MIAT: variants seen among roughly 807,000 people sequenced by gnomAD.
MIAT encodes myocardial infarction associated transcript.
intron 2 of MIAT, among the ~76,000 whole-genome samples, chr22:26,661,446 T>C (rs989189531): frequency 6.6e-6 from 1 of 152,152 alleles, no homozygotes. Context: ...AGGCGGGTGC[T>C]GAGCTATTGT....
At chr22:26,666,957 G>A (rs1164093789) in intron 4 of MIAT, 5 of 388,850 alleles carry the variant, frequency 1.3e-5, no homozygotes, top group African/African-American at 2.1e-5. Flanking sequence ...AGAGGGATGT[G>A]GGGAGGGAGG....
At chr22:26,669,856 T>C (rs115845708), downstream of MIAT, 6,310 of 398,766 alleles carry the variant, frequency 0.016, 297 homozygotes, top group African/African-American at 0.11. Context: ...AGCCGTGTCC[T>C]GAGAAGGGCC....
exon 6 of MIAT, chr22:26,669,278 A>G (rs1008802120): frequency 6.0e-5 from 24 of 398,748 alleles, no homozygotes; most frequent in African/African-American, 4.1e-4. Flanking sequence ...CTGCCACAGC[A>G]CCATGCCAGA....
chr22:26,675,378 G>C (rs1027087395), exon 5 of MIAT: 1 of 398,568 alleles, frequency 2.5e-6, no homozygotes, highest in African/African-American at 2.1e-5. Context: ...TTATCCTTAG[G>C]CCTTGGGGAG....
exon 2 of MIAT, chr22:26,647,260 G>A (rs573593017): frequency 7.5e-6 from 3 of 398,362 alleles, no homozygotes; most frequent in East Asian, 3.6e-5. Flanking sequence ...GAAGGCCTCC[G>A]GGGTAGCACA....
At chr22:26,666,524 G>T (rs753490797) in exon 4 of MIAT, 229 of 398,578 alleles carry the variant, frequency 5.7e-4, no homozygotes, top group Middle Eastern at 1.9e-3. Context: ...GGCAGGAGCA[G>T]AGCTGGGATC....
downstream of MIAT, chr22:26,673,763 C>G: frequency 2.5e-6 from 1 of 398,646 alleles, no homozygotes. Flanking sequence ...TCAGAACAAT[C>G]AGAAGTCGGT....
downstream of MIAT, chr22:26,670,523 T>C (rs1931004630): frequency 2.6e-6 from 1 of 381,134 alleles, no homozygotes; most frequent in Admixed American, 5.1e-5. Flanking sequence ...CCTTGAAGGA[T>C]GAGAAAGATC....
exon 2 of MIAT, chr22:26,647,243 A>G (rs1170004892): frequency 5.0e-6 from 2 of 398,296 alleles, no homozygotes; most frequent in Non-Finnish European, 8.8e-6. Context: ...TCTGGCAAAC[A>G]TATGTGGAAG....
At chr22:26,650,008 C>T (rs1211377201) in intron 2 of MIAT, among the ~76,000 whole-genome samples, 2 of 152,242 alleles carry the variant, frequency 1.3e-5, no homozygotes, top group Non-Finnish European at 2.9e-5. Context: ...CTCAGCAGGA[C>T]TGAGTTCTAG....
intron 2 of MIAT, among the ~76,000 whole-genome samples, chr22:26,647,750 A>G (rs954919839): frequency 4.5e-4 from 69 of 152,168 alleles, no homozygotes; most frequent in African/African-American, 1.6e-3. Context: ...CTGCTGCAGC[A>G]AGGAGAACAG....
intron 5 of MIAT, chr22:26,667,345 TGTGTGTGTGC>T (rs1930882832): frequency 2.5e-6 from 1 of 397,262 alleles, no homozygotes; most frequent in Non-Finnish European, 4.4e-6. Context: ...TGTGTGTGTG[TGTGTGTGTGC>T]GTGTGCACAT....
chr22:26,676,008 C>G (rs1169706708), exon 5 of MIAT: 9 of 398,512 alleles, frequency 2.3e-5, no homozygotes, highest in Admixed American at 8.8e-5. Flanking sequence ...TCTCTTCGAC[C>G]CCTCCCTCAT....
downstream of MIAT, chr22:26,672,960 G>A (rs774009788): frequency 1.8e-5 from 7 of 398,480 alleles, no homozygotes; most frequent in Admixed American, 4.4e-5. Flanking sequence ...CCCCTCTCTG[G>A]AGCCGAGAGA....
At chr22:26,675,598 C>T (rs922163869) in exon 5 of MIAT, 14 of 398,498 alleles carry the variant, frequency 3.5e-5, no homozygotes, top group Non-Finnish European at 4.9e-5. Context: ...TTGGAAGTAT[C>T]TCTGCAATGA....
chr22:26,670,961 GT>G (rs568998572), downstream of MIAT: 98 of 370,224 alleles, frequency 2.6e-4, no homozygotes, highest in East Asian at 8.6e-4. Context: ...AGCTTGATGC[GT>G]TTTTTTTTTT....
chr22:26,668,333 C>A, exon 6 of MIAT: 1 of 398,698 alleles, frequency 2.5e-6, no homozygotes, highest in South Asian at 1.3e-4. Flanking sequence ...TGGAGCCTCC[C>A]ATGGATAGGA....
chr22:26,661,125 T>C (rs1216303953), intron 2 of MIAT, among the ~76,000 whole-genome samples: 2 of 152,242 alleles, frequency 1.3e-5, no homozygotes, highest in Non-Finnish European at 2.9e-5. Context: ...ATTATTAGCC[T>C]GTTCGAGCAG....
downstream of MIAT, chr22:26,670,742 C>T (rs976830044): frequency 7.5e-6 from 3 of 398,180 alleles, no homozygotes; most frequent in African/African-American, 6.2e-5. Context: ...ATGAAGTGTT[C>T]CTTGACTTTT....
Sources: allele counts gnomAD v4.1 joint callset (sites outside exome capture counted in the v4.1 genomes callset), GRCh38; gene constraint gnomAD v4.1.1; transcripts MANE v1.5; gene names NCBI Gene and HGNC (gene_info 2026-07-23, HGNC 2026-07-21).